CALD1: variants seen among roughly 807,000 people sequenced by gnomAD.
The protein encoded by CALD1 is caldesmon 1.
A neutral mutation model predicts 99.9 loss-of-function variants in CALD1; 33 were observed. The observed-to-expected ratio is 0.33, with a 90% CI of 0.25 to 0.44. CALD1 has a LOEUF of 0.44. Ranked by LOEUF, CALD1 falls within the 20% of genes least tolerant of loss-of-function variation. The pLI is 1.00. For missense variants in CALD1, 861 were observed against 962.1 expected, an observed-to-expected ratio of 0.89 and a Z score of 1.39; for synonymous variants, 310 against 325.0, an observed-to-expected ratio of 0.95 and a Z score of 0.50.
In CALD1 at chr7:134,843,978, A is replaced by T. The variant is rs1170511596; in HGVS notation, c.-42+7A>T. On this transcript the variant is annotated splice_region_variant and intron_variant, in intron 2 of 14. Transcript: ENST00000361675. ...GACATCTGATTGCTGACCTGTGAGT[A>T]AAGTTTATGTTTTATTAATACTTTG... 2.0e-5 allele frequency: 3 copies of T among 152,176 alleles called. No homozygotes were observed. Among genetic ancestry groups the T allele is most frequent in the Middle Eastern group, 3.2e-3 (1 of 316 alleles). The allele number at this position is 152,176 out of a possible 1,614,324, so 9.4% of individuals were successfully genotyped here.
At chr7:134,928,677 G>C (rs2132904682) in intron 3 of CALD1, 77 bp from the exon 4 acceptor site, 1 of 1,428,740 alleles carries the variant, frequency 7.0e-7, no homozygotes, top group South Asian at 1.3e-5. Context: ...AAAGGGCTCA[G>C]GGCTGTTCCT....
At chr7:134,958,379 C>T in intron 11 of CALD1, 89 bp downstream of exon 11, 1 of 917,934 alleles carries the variant, frequency 1.1e-6, no homozygotes. Flanking sequence ...GGACAATAAT[C>T]AAGTCCAATA....
chr7:134,754,987 A>G (rs919073203), intron 1 of CALD1, among the ~76,000 whole-genome samples: 2 of 101,076 alleles, frequency 2.0e-5, no homozygotes, highest in African/African-American at 7.8e-5. Context: ...ACACTACTAT[A>G]TATTTTACTT....
the CALD1 span, among the ~76,000 whole-genome samples, chr7:134,737,855 G>A: frequency 0.037 from 5,693 of 152,280 alleles, 213 homozygotes; most frequent in East Asian, 0.11. Flanking sequence ...TTATTAGCCA[G>A]GGACCAGTTT....
chr7:134,934,059 A>T lies in CALD1; in HGVS notation c.1290A>T (p.Thr430=), dbSNP rs773207941. ...EKKAQEDKLQ[T]AVLKKQGEEK... ...AAGCACAAGAAGATAAACTTCAGACAGCTGTCCTAAAGAAACAGGTACAGT... is the reference window on the plus strand; with the variant it reads ...AAGCACAAGAAGATAAACTTCAGACTGCTGTCCTAAAGAAACAGGTACAGT... The change falls in exon 5 of 15, where the codon ACA becomes ACT. Residue 430 remains threonine (T), a synonymous_variant. Transcript: ENST00000361675. 15 of 1,610,254 alleles carry T rather than the reference A, an allele frequency of 9.3e-6. No homozygotes were observed. Among genetic ancestry groups the T allele is most frequent in the Non-Finnish European group, 1.3e-5 (15 of 1,178,884 alleles).
At chr7:134,779,576 A>T (rs1006247669), upstream of CALD1, 2 of 398,236 alleles carry the variant, frequency 5.0e-6, no homozygotes, top group Non-Finnish European at 8.9e-6. Flanking sequence ...GTGTTCACTT[A>T]GCATGGACTT....
At chr7:134,888,806 G>C (rs1225671009) in intron 3 of CALD1, among the ~76,000 whole-genome samples, 6 of 152,176 alleles carry the variant, frequency 3.9e-5, no homozygotes, top group African/African-American at 1.4e-4. Context: ...TAACAAAGGA[G>C]GGTGCGCGCT....
At chr7:134,923,062 G>A (rs1702083798) in intron 3 of CALD1, among the ~76,000 whole-genome samples, 4 of 151,974 alleles carry the variant, frequency 2.6e-5, no homozygotes, top group Admixed American at 1.3e-4. Context: ...TTTAAAATTC[G>A]TTGCATTTAT....
chr7:134,773,519 C>G (rs1440101228), intron 1 of CALD1, among the ~76,000 whole-genome samples: 2 of 152,096 alleles, frequency 1.3e-5, no homozygotes, highest in Non-Finnish European at 1.5e-5. Context: ...TTCTTCTCAG[C>G]CTCCCAAAGG....
intron 1 of CALD1, among the ~76,000 whole-genome samples, chr7:134,751,213 A>G (rs1796683057): frequency 6.6e-6 from 1 of 152,230 alleles, no homozygotes; most frequent in Non-Finnish European, 1.5e-5. Context: ...GAAAGTAACA[A>G]CAATACCTAC....
At chr7:134,891,708 T>C in intron 3 of CALD1, 1 of 1,376,646 alleles carries the variant, frequency 7.3e-7, no homozygotes, top group Non-Finnish European at 9.8e-7. Flanking sequence ...GTTTTTTCCT[T>C]TCTTTTTTTT....
intron 3 of CALD1, among the ~76,000 whole-genome samples, chr7:134,898,978 CA>C (rs1802780033): frequency 6.6e-6 from 1 of 152,194 alleles, no homozygotes; most frequent in African/African-American, 2.4e-5. Flanking sequence ...GATTTATAAA[CA>C]CTAATTTCTA....
intron 3 of CALD1, among the ~76,000 whole-genome samples, chr7:134,906,863 G>C (rs908300431): frequency 3.3e-5 from 5 of 152,152 alleles, no homozygotes; most frequent in African/African-American, 1.2e-4. Flanking sequence ...AGTCTCTCTA[G>C]TAGGCTTCAG....
intron 3 of CALD1, among the ~76,000 whole-genome samples, chr7:134,879,554 C>A (rs568877249): frequency 4.6e-5 from 7 of 152,226 alleles, no homozygotes; most frequent in Non-Finnish European, 8.8e-5. Flanking sequence ...TTTTTAAGTA[C>A]TGGAGAGTAC....
rs1427525029 is a variant in CALD1 at position 134,766,389 on chromosome 7, A to C, written c.-130+22026A>C. Among the ~76,000 whole-genome samples the C allele has an allele frequency of 2.0e-5, 3 of 151,656 alleles. No individual in the cohort carries two copies. The East Asian group carries it at 5.8e-4, about 30-fold the overall frequency. ...TCGAACTCCTGACCTCGGGTGATCC[A>C]CCTGCCTCAGCCTCCCAAAGTGCTG... On this transcript the variant is annotated intron_variant, in intron 1 of 13. Coordinates refer to the CALD1 transcript ENST00000417172.
upstream of CALD1, among the ~76,000 whole-genome samples, chr7:134,743,322 G>A (rs1432600739): frequency 6.6e-6 from 1 of 152,172 alleles, no homozygotes; most frequent in East Asian, 1.9e-4. Flanking sequence ...CTGAAGGTCT[G>A]ATAAGCAGTT....
intron 1 of CALD1, among the ~76,000 whole-genome samples, chr7:134,794,618 C>G (rs1476616931): frequency 6.6e-6 from 1 of 152,100 alleles, no homozygotes; most frequent in Non-Finnish European, 1.5e-5. Flanking sequence ...TCCCAAGTAG[C>G]TGGGATTACA....
At chr7:134,751,639 C>A (rs1024563286) in intron 1 of CALD1, among the ~76,000 whole-genome samples, 2 of 141,498 alleles carry the variant, frequency 1.4e-5, no homozygotes, top group African/African-American at 2.7e-5. Context: ...ATTTTTCTTT[C>A]TCTTCAAAGT....
At chr7:134,846,474 G>A (rs1038959336) in intron 2 of CALD1, among the ~76,000 whole-genome samples, 5 of 152,124 alleles carry the variant, frequency 3.3e-5, no homozygotes, top group African/African-American at 7.2e-5. Flanking sequence ...CATTTCTCAC[G>A]GAGCCATATT....
Sources: gnomAD v4.1 joint callset for allele counts (sites outside exome capture counted in the v4.1 genomes callset) on GRCh38, gnomAD v4.1.1 for gene constraint, MANE v1.5 for transcripts, NCBI Gene and HGNC (gene_info 2026-07-23, HGNC 2026-07-21) for gene names.